Variants in SPRYD3 observed in about 807,000 individuals in gnomAD.
SPRYD3 encodes the protein SPRY domain containing 3, also known as SPRY domain-containing protein 3.
SPRYD3 carries 17 observed loss-of-function variants against 50.1 expected under a neutral mutation model. The observed-to-expected ratio is 0.34, with a 90% CI of 0.23 to 0.51. SPRYD3 has a LOEUF of 0.51. SPRYD3 is among the 20% of genes least tolerant of loss of function. SPRYD3 has a pLI of 0.97. For missense variants in SPRYD3, 401 were observed against 591.2 expected (o/e 0.68, Z 3.34); for synonymous variants, 198 against 215.5 (o/e 0.92, Z 0.71).
rs1010249803 is a variant in SPRYD3, at chr12:53,074,336, CTCTTT to C, written c.507+308_507+312del. 7.2e-5 allele frequency among the ~76,000 whole-genome samples: 11 copies of C among 152,362 alleles called. No homozygotes were observed. Among genetic ancestry groups the C allele is most frequent in the African/African-American group, 2.6e-4 (11 of 41,588 alleles). Reference sequence around the variant, plus strand: ...CATGGCCAGGCCATAATCTTCCCCTCTCTTTTATCTGCTCAAAACCTTCCCCCAAA... The same window carrying C: ...CATGGCCAGGCCATAATCTTCCCCTCTATCTGCTCAAAACCTTCCCCCAAA... On this transcript the variant is annotated intron_variant, in intron 5 of 10. Transcript: ENST00000301463. This position sits in a 1 kb window ranked among gnomAD's most constrained non-coding sequence, Gnocchi z 4.6.
rs1022397082 is a variant in SPRYD3 at position 53,075,763 on chromosome 12, G to A, written c.219C>T (p.Pro73=). 1.9e-6 allele frequency: 3 copies of A among 1,614,044 alleles called. No homozygotes were observed. Among genetic ancestry groups the A allele is most frequent in the Non-Finnish European group, 1.7e-6 (2 of 1,179,974 alleles). The part of the protein sequence containing the change: ...GEVGCYVASR[P]LTKDSNYFEV... ...CAAAATAATTGCTGTCCTTGGTCAG[G>A]GGTCGAGAAGCCACGTAGCAGCCAA... is the stretch of plus-strand genomic sequence containing the variant. The change falls in exon 3 of 11, where the codon CCC becomes CCT. Residue 73 remains proline (P), a synonymous_variant. Transcript: ENST00000301463.
chr12:53,078,143 C>CA (rs1434491219), intron 1 of SPRYD3: 3 of 451,830 alleles, frequency 6.6e-6, no homozygotes, highest in Non-Finnish European at 1.3e-5. Flanking sequence ...TGTGCCACTA[C>CA]ATTCCAGCCT....
intron 6 of SPRYD3, among the ~76,000 whole-genome samples, chr12:53,071,948 TGGG>T (rs1264132323): frequency 6.6e-6 from 1 of 151,710 alleles, no homozygotes; most frequent in African/African-American, 2.4e-5. Context: ...CTGAAGGTGT[TGGG>T]GGGAGGGTGG....
Position 53,079,356 on chromosome 12 carries a change from C to T in SPRYD3, c.-23G>A, listed in dbSNP as rs1163764520. 4 of 1,603,726 alleles carry T rather than the reference C, an allele frequency of 2.5e-6. No individual in the cohort carries two copies. Among genetic ancestry groups the T allele is most frequent in the Non-Finnish European group, 3.4e-6 (4 of 1,175,696 alleles). On this transcript the variant is annotated 5_prime_UTR_variant, in exon 1 of 11. It adds an upstream start codon to the 5' untranslated region. Transcript: ENST00000301463. ...CATCCATAGGCCTCTCAGCTCCGCACACAAGCTCTTCGGCCGCCGCCACCA... is the reference window on the plus strand; with the variant it reads ...CATCCATAGGCCTCTCAGCTCCGCATACAAGCTCTTCGGCCGCCGCCACCA...
chr12:53,071,843 C>T (rs1049872261), intron 6 of SPRYD3, among the ~76,000 whole-genome samples: 19 of 152,158 alleles, frequency 1.2e-4, no homozygotes, highest in Non-Finnish European at 7.3e-5. Flanking sequence ...AGTGCTCCCA[C>T]CCTGCCACCT....
intron 8 of SPRYD3, 35 bp downstream of exon 8, chr12:53,067,613 A>T (rs776424638): frequency 1.2e-6 from 2 of 1,606,916 alleles, no homozygotes; most frequent in Non-Finnish European, 1.7e-6. Flanking sequence ...CACATCTCCC[A>T]CCATCCCACC....
intron 10 of SPRYD3, 125 bp from the exon 11 acceptor site, chr12:53,066,091 A>G (rs1001238757): frequency 1.7e-5 from 24 of 1,406,168 alleles, no homozygotes; most frequent in Non-Finnish European, 2.1e-5. Flanking sequence ...AGGGGCAGTT[A>G]AGGTGTTATG....
chr12:53,067,715 G>C lies in SPRYD3; in HGVS notation c.844-10C>G. ...TGTTCTTGGGATAGTCCTGCACCAA[G>C]AAGAGAAAAGAAAATCTATGGTCCC... On this transcript the variant is annotated splice_polypyrimidine_tract_variant and intron_variant, in intron 7 of 10. Coordinates refer to ENST00000301463, the MANE Select transcript of SPRYD3 (RefSeq NM_032840.3). 2 of 1,613,264 alleles carry C rather than the reference G, an allele frequency of 1.2e-6. No individual in the cohort carries two copies. Among genetic ancestry groups the C allele is most frequent in the South Asian group, 2.2e-5 (2 of 91,032 alleles).
At chr12:53,073,229 G>T (rs1201503009) in intron 6 of SPRYD3, 57 bp downstream of exon 6, 5 of 1,136,622 alleles carry the variant, frequency 4.4e-6, no homozygotes, top group South Asian at 4.4e-5. Context: ...GTGCCCACAG[G>T]TGTTCTGCCC....
chr12:53,067,711 C>T lies in SPRYD3; in HGVS notation c.844-6G>A, dbSNP rs1944520092. ...TGCCTGTTCTTGGGATAGTCCTGCA[C>T]CAAGAAGAGAAAAGAAAATCTATGG... On this transcript the variant is annotated splice_region_variant and splice_polypyrimidine_tract_variant and intron_variant, in intron 7 of 10. Coordinates refer to ENST00000301463, the MANE Select transcript of SPRYD3 (RefSeq NM_032840.3). The T allele has an allele frequency of 6.2e-7, 1 of 1,613,682 alleles. No individual in the cohort carries two copies. Among genetic ancestry groups the T allele is most frequent in the East Asian group, 2.2e-5 (1 of 44,878 alleles).
intron 6 of SPRYD3, among the ~76,000 whole-genome samples, chr12:53,071,248 C>T (rs9783505): frequency 0.28 from 43,232 of 152,036 alleles, 7,554 homozygotes; most frequent in African/African-American, 0.5. Context: ...CCTGGGAGGG[C>T]GGGGCCTCAT....
Position 53,073,583 on chromosome 12 carries a change from G to A in SPRYD3, c.508-112C>T, listed in dbSNP as rs189189782. ...CAACCAGCCGGGCGTGGTGGCTCAC[G>A]CCTGTAATCCCAGCACTTTGGGAGG... On this transcript the variant is annotated intron_variant, in intron 5 of 10. Coordinates refer to ENST00000301463, the MANE Select transcript of SPRYD3 (RefSeq NM_032840.3). 238 of 815,122 alleles carry A rather than the reference G, an allele frequency of 2.9e-4. No individual in the cohort carries two copies. The African/African-American group carries it at 3.5e-3, about 12-fold the overall frequency. The allele number at this position is 815,122 out of a possible 1,614,324, so 50.5% of individuals were successfully genotyped here.
rs1489557690 is a variant in SPRYD3 at position 53,073,433 on chromosome 12, C to G, written c.546G>C (p.Leu182=). 1.9e-6 allele frequency: 3 copies of G among 1,570,084 alleles called. No homozygotes were observed. Among genetic ancestry groups the G allele is most frequent in the Non-Finnish European group, 2.6e-6 (3 of 1,156,864 alleles). The part of the protein sequence containing the change: ...STIMPMSPDG[L]FPAVGMHSLG... ...GGGAGTGCATGCCCACTGCTGGGAA[C>G]AGTCCATCTGGGGACATGGGCATGA... Residue 182 remains leucine (L), a synonymous_variant, in exon 6 of 11, where the codon CTG becomes CTC. Transcript: ENST00000301463.
intron 6 of SPRYD3, among the ~76,000 whole-genome samples, chr12:53,072,270 G>C (rs1038438733): frequency 6.6e-6 from 1 of 152,168 alleles, no homozygotes; most frequent in Non-Finnish European, 1.5e-5. Context: ...ATGCCAGACG[G>C]GGGTGCAGAG....
intron 10 of SPRYD3, 120 bp downstream of exon 10, chr12:53,066,194 T>C: frequency 6.6e-7 from 1 of 1,522,796 alleles, no homozygotes; most frequent in Non-Finnish European, 8.9e-7. Flanking sequence ...GGAACAGCCC[T>C]TGGGCAACGC....
intron 6 of SPRYD3, among the ~76,000 whole-genome samples, chr12:53,072,691 G>A (rs1944558380): frequency 6.6e-6 from 1 of 152,226 alleles, no homozygotes; most frequent in Non-Finnish European, 1.5e-5. Context: ...TCCCAACGAA[G>A]CTTAAAATCC....
Position 53,073,313 on chromosome 12 carries a change from C to A in SPRYD3, c.666G>T (p.Arg222=). 7.5e-7 allele frequency: 1 copy of A among 1,341,868 alleles called. No individual in the cohort carries two copies. The highest frequency in any genetic ancestry group is 9.9e-7 in the Non-Finnish European group (1 of 1,012,130). The allele number at this position is 1,341,868 out of a possible 1,614,324, so 83.1% of individuals were successfully genotyped here. ...TCCCACAGACTCTGACATCATGTAG[C>A]CGGCCCCATTCATCCTCGTAACTGT... ...MVDSYEDEWG[R]LHDVRVCGTL... The change falls in exon 6 of 11, where the codon CGG becomes CGT. Residue 222 remains arginine, a synonymous_variant. Coordinates refer to ENST00000301463, the MANE Select transcript of SPRYD3 (RefSeq NM_032840.3).
In SPRYD3 at chr12:53,069,460, G is replaced by A. The variant is rs570946518; in HGVS notation, c.694-1156C>T. Among the ~76,000 whole-genome samples the A allele has an allele frequency of 1.4e-4, 21 of 150,038 alleles. No individual in the cohort carries two copies. In the East Asian group the frequency reaches 1.9e-3, roughly 14 times the overall value. On this transcript the variant is annotated intron_variant, in intron 6 of 10. Coordinates refer to ENST00000301463, the MANE Select transcript of SPRYD3 (RefSeq NM_032840.3). ...CGTGTCTCCAGCAGAGGCTGCTCCCGCATCCCCACTCCCAGCCTCAGACGG... is the reference window on the plus strand; with the variant it reads ...CGTGTCTCCAGCAGAGGCTGCTCCCACATCCCCACTCCCAGCCTCAGACGG...
intron 3 of SPRYD3, among the ~76,000 whole-genome samples, 173 bp from the exon 4 acceptor site, chr12:53,075,392 G>A (rs959072044): frequency 1.3e-5 from 2 of 152,204 alleles, no homozygotes; most frequent in Non-Finnish European, 2.9e-5. Flanking sequence ...GAGAGTGGGT[G>A]CCTATTTCAC....
Sources: allele counts gnomAD v4.1 joint callset (sites outside exome capture counted in the v4.1 genomes callset), GRCh38; gene constraint gnomAD v4.1.1; non-coding constraint Gnocchi (gnomAD v3.1); transcripts MANE v1.5; gene names NCBI Gene and HGNC (gene_info 2026-07-23, HGNC 2026-07-21).